Variants in EML1 observed in about 807,000 individuals in gnomAD.
The protein encoded by EML1 is echinoderm microtubule-associated protein-like 1.
EML1 carries 27 observed loss-of-function variants against 110.4 expected under a neutral mutation model. That is an observed-to-expected ratio of 0.24 (90% confidence interval 0.18 to 0.34). The LOEUF is 0.34. Among genes scored for constraint, EML1 ranks in the 10% least tolerant of loss-of-function variants. The probability of loss-of-function intolerance (pLI) is 1.00; values close to 1 mark genes in which losing one functional copy is unlikely to be tolerated. For synonymous variants in EML1, 344 were observed against 385.8 expected, an observed-to-expected ratio of 0.89 and a Z score of 1.27; for missense variants, 741 against 1,030.9, an observed-to-expected ratio of 0.72 and a Z score of 3.85.
At chr14:99,762,301 G>C (rs1035138185) in intron 1 of EML1, among the ~76,000 whole-genome samples, 3 of 151,992 alleles carry the variant, frequency 2.0e-5, no homozygotes, top group Non-Finnish European at 4.4e-5. Flanking sequence ...TCCATTTTAC[G>C]TACACAGCTT....
chr14:99,911,728 C>A, intron 13 of EML1, 152 bp downstream of exon 13: 1 of 858,956 alleles, frequency 1.2e-6, no homozygotes, highest in Non-Finnish European at 1.7e-6. Flanking sequence ...AATCCTGAGG[C>A]AGGTTAAATA....
intron 9 of EML1, among the ~76,000 whole-genome samples, chr14:99,904,615 A>G (rs2059813932): frequency 6.6e-6 from 1 of 152,252 alleles, no homozygotes; most frequent in South Asian, 2.1e-4. Flanking sequence ...TAATACATGT[A>G]AATACACAGA....
chr14:99,840,264 G>A (rs1352408817), intron 1 of EML1, among the ~76,000 whole-genome samples: 1 of 152,188 alleles, frequency 6.6e-6, no homozygotes, highest in Non-Finnish European at 1.5e-5. Flanking sequence ...TTTGGAAAAG[G>A]CAAAATGATG....
intron 1 of EML1, among the ~76,000 whole-genome samples, chr14:99,829,881 A>G (rs2058420498): frequency 6.6e-6 from 1 of 152,206 alleles, no homozygotes; most frequent in Admixed American, 6.5e-5. Flanking sequence ...CATTTTGCTT[A>G]TCCGTTCATC....
In EML1 at chr14:99,784,420, C is replaced by T. The variant is rs1283211698; in HGVS notation, c.-27+10407C>T. Among the ~76,000 whole-genome samples the T allele has an allele frequency of 1.3e-5, 2 of 152,184 alleles. No homozygotes were observed. Among genetic ancestry groups the T allele is most frequent in the Non-Finnish European group, 2.9e-5 (2 of 68,040 alleles). Reference sequence around the variant, plus strand: ...CAAGGACATTTTAAAAAGAATTAGCCAAGCAAATATTGCTTTTAATTTCCC... The same window carrying T: ...CAAGGACATTTTAAAAAGAATTAGCTAAGCAAATATTGCTTTTAATTTCCC... On this transcript the variant is annotated intron_variant, in intron 1 of 22. Transcript: ENST00000327921. The surrounding 1 kb of genome is among the most constrained non-coding windows in gnomAD (Gnocchi z 4.5).
chr14:99,879,985 T>C (rs2059358354), intron 4 of EML1, among the ~76,000 whole-genome samples: 1 of 151,090 alleles, frequency 6.6e-6, no homozygotes, highest in South Asian at 2.1e-4. Flanking sequence ...TTTAAAATCC[T>C]ATGGCTTTGG....
intron 17 of EML1, among the ~76,000 whole-genome samples, chr14:99,921,931 C>G (rs2060137430): frequency 6.6e-6 from 1 of 152,130 alleles, no homozygotes; most frequent in East Asian, 1.9e-4. Context: ...TCCGAGGAAA[C>G]TACTGATCTG....
At chr14:99,892,141 C>T (rs1280142331) in intron 5 of EML1, 61 of 985,308 alleles carry the variant, frequency 6.2e-5, no homozygotes, top group Non-Finnish European at 7.3e-5. Flanking sequence ...TTATCTAGCC[C>T]TTCTGTCTCT....
chr14:99,844,859 C>A (rs776758885), intron 1 of EML1, among the ~76,000 whole-genome samples: 5 of 152,198 alleles, frequency 3.3e-5, no homozygotes, highest in African/African-American at 4.8e-5. Flanking sequence ...ATCAGTCATT[C>A]ATCCCATTTT....
chr14:99,830,953 C>A (rs1296776556), intron 1 of EML1, among the ~76,000 whole-genome samples: 3 of 152,124 alleles, frequency 2.0e-5, no homozygotes, highest in African/African-American at 7.2e-5. Context: ...TCTCTTTGAC[C>A]AACTCCTTTT....
At chr14:99,923,648 C>CTCAGTT (rs2060176376) in intron 17 of EML1, among the ~76,000 whole-genome samples, 2 of 51,994 alleles carry the variant, frequency 3.8e-5, no homozygotes, top group African/African-American at 9.8e-4. Flanking sequence ...GCCCCCTTCA[C>CTCAGTT]CTGTGTTTAT....
At chr14:99,850,440 C>A in intron 1 of EML1, 3 of 904,504 alleles carry the variant, frequency 3.3e-6, no homozygotes, top group Non-Finnish European at 4.6e-6. Flanking sequence ...ATTGTATGAC[C>A]TACCTGTCAG....
intron 12 of EML1, among the ~76,000 whole-genome samples, chr14:99,911,186 G>T (rs1244690726): frequency 6.6e-6 from 1 of 152,100 alleles, no homozygotes; most frequent in East Asian, 1.9e-4. Context: ...TCAGCCGCGT[G>T]GTGCTTCAAC....
At chr14:99,917,681 A>T in intron 15 of EML1, 101 bp from the exon 16 acceptor site, 1 of 1,151,386 alleles carries the variant, frequency 8.7e-7, no homozygotes, top group Non-Finnish European at 1.3e-6. Context: ...CTAAGGAATT[A>T]GAAGTGTGAG....
intron 1 of EML1, among the ~76,000 whole-genome samples, chr14:99,754,146 G>A (rs2057216376): frequency 6.6e-6 from 1 of 152,260 alleles, no homozygotes; most frequent in Non-Finnish European, 1.5e-5. Flanking sequence ...TCAACCCTGG[G>A]TTGCGAGGAC....
intron 1 of EML1, among the ~76,000 whole-genome samples, chr14:99,828,106 A>G (rs1370033031): frequency 6.6e-6 from 1 of 152,174 alleles, no homozygotes; most frequent in Admixed American, 6.5e-5. Flanking sequence ...ATTTCATTTT[A>G]TATTAAAATT....
At chr14:99,913,436 C>CA (rs60257603) in intron 13 of EML1, among the ~76,000 whole-genome samples, 1 of 152,126 alleles carries the variant, frequency 6.6e-6, no homozygotes, top group East Asian at 1.9e-4. Flanking sequence ...CTCGGCCCCC[C>CA]AAAGTGCTGG....
At chr14:99,879,321 A>G (rs976453) in intron 4 of EML1, among the ~76,000 whole-genome samples, 80,336 of 152,026 alleles carry the variant, frequency 0.53, 22,327 homozygotes, top group East Asian at 0.87. Flanking sequence ...CAGTTTCTCT[A>G]TGTATTTTTA....
intron 17 of EML1, among the ~76,000 whole-genome samples, chr14:99,928,481 A>T (rs1469607026): frequency 1.3e-5 from 2 of 151,832 alleles, no homozygotes; most frequent in Non-Finnish European, 2.9e-5. Context: ...TGAAGGGAGG[A>T]GATCACAATA....
Sources: gnomAD v4.1 joint callset for allele counts (sites outside exome capture counted in the v4.1 genomes callset) on GRCh38, gnomAD v4.1.1 for gene constraint, Gnocchi (gnomAD v3.1) non-coding constraint, MANE v1.5 for transcripts, NCBI Gene and HGNC (gene_info 2026-07-23, HGNC 2026-07-21) for gene names.